The following NUMA1 variants were observed in gnomAD, a reference collection of about 807,000 sequenced individuals.
NUMA1 encodes the protein nuclear mitotic apparatus protein 1.
A neutral mutation model predicts 237.1 loss-of-function variants in NUMA1; 62 were observed. The ratio of observed to expected loss-of-function variants is 0.26; its 90% CI spans 0.21 to 0.32. The LOEUF (loss-of-function observed/expected upper bound fraction) is 0.32, where lower values mean the gene tolerates loss of function less well. Ranked by LOEUF, NUMA1 falls within the 10% of genes least tolerant of loss-of-function variation. The pLI is 1.00. For missense variants in NUMA1, 2,533 were observed against 2,666.5 expected, an observed-to-expected ratio of 0.95 and a Z score of 1.10; for synonymous variants, 1,028 against 1,066.1, an observed-to-expected ratio of 0.96 and a Z score of 0.70.
chr11:72,056,662 G>GAAAAAAAAAAAAAAAAAAA (rs1942671179), intron 2 of NUMA1, among the ~76,000 whole-genome samples: 1 of 51,028 alleles, frequency 2.0e-5, no homozygotes, highest in Non-Finnish European at 4.5e-5. Context: ...AAAAAAAAAG[G>GAAAAAAAAAAAAAAAAAAA]CAAGCCAAAC....
At chr11:72,027,633 G>A (rs959308004) in intron 4 of NUMA1, among the ~76,000 whole-genome samples, 2 of 152,136 alleles carry the variant, frequency 1.3e-5, no homozygotes, top group African/African-American at 4.8e-5. Context: ...ACCCCCTGAT[G>A]AAAGATCTTA....
chr11:72,043,896 C>G (rs1158284500), intron 2 of NUMA1, among the ~76,000 whole-genome samples: 1 of 152,112 alleles, frequency 6.6e-6, no homozygotes, highest in African/African-American at 2.4e-5. Flanking sequence ...CCACTGCACT[C>G]CAGCCTGGGT....
intron 2 of NUMA1, among the ~76,000 whole-genome samples, chr11:72,056,361 G>T (rs1208188823): frequency 2.2e-5 from 3 of 138,684 alleles, no homozygotes; most frequent in Non-Finnish European, 3.1e-5. Flanking sequence ...TACTCTTGTT[G>T]CCCAGGCTAG....
intron 20 of NUMA1, chr11:72,008,388 T>C (rs978715463): frequency 2.3e-6 from 1 of 440,760 alleles, no homozygotes; most frequent in Admixed American, 3.5e-5. Context: ...TGGCCTCACA[T>C]CTCAGCTTAG....
Position 72,075,034 on chromosome 11 carries a change from A to AAAATAAAT in NUMA1, c.-102-5131_-102-5124dup, listed in dbSNP as rs35313309. On this transcript the variant is annotated intron_variant, in intron 1 of 26. Transcript: ENST00000393695. ...GGGCGACAGAGTGAGACTCCATCTC[A>AAAATAAAT]AAATAAATAAATAAATAAATAAATA... Among the ~76,000 whole-genome samples the AAAATAAAT allele has an allele frequency of 5.0e-3, 744 of 148,448 alleles. 4 individuals are homozygous for AAAATAAAT. The highest frequency in any genetic ancestry group is 0.014 in the Middle Eastern group (4 of 288).
chr11:72,025,412 CAA>C (rs1310039043), intron 4 of NUMA1, among the ~76,000 whole-genome samples: 2 of 140,114 alleles, frequency 1.4e-5, no homozygotes, highest in Admixed American at 7.1e-5. Context: ...ATTCTGTCTC[CAA>C]AAAAAAAAAA....
intron 1 of NUMA1, among the ~76,000 whole-genome samples, chr11:72,077,586 G>A (rs1464378510): frequency 2.0e-5 from 3 of 152,012 alleles, no homozygotes; most frequent in African/African-American, 7.2e-5. Flanking sequence ...AGGCCGAGGC[G>A]GGAGGATCAC....
Position 72,013,016 on chromosome 11 carries a change from C to T in NUMA1, c.4487G>A (p.Arg1496Gln), listed in dbSNP as rs780358718. The part of the protein sequence containing the change: ...DAETRLAEVQ[R>Q]EAQSTARELE... ...CTCCCGGGCAGTGCTCTGTGCTTCTCGCTGCACCTCAGCCAGACGGGTCTC... is the reference window on the plus strand; with the variant it reads ...CTCCCGGGCAGTGCTCTGTGCTTCTTGCTGCACCTCAGCCAGACGGGTCTC... Residue 1496 changes from arginine (R) to glutamine (Q), a missense_variant, in exon 15 of 27, where the codon CGA becomes CAA. Transcript: ENST00000393695. The surrounding 1 kb of genome is among the most constrained non-coding windows in gnomAD (Gnocchi z 6.8). 2.0e-5 allele frequency: 33 copies of T among 1,614,072 alleles called. No homozygotes were observed. Among genetic ancestry groups the T allele is most frequent in the Non-Finnish European group, 2.5e-5 (30 of 1,180,052 alleles).
rs770308091 is a variant in NUMA1, at chr11:72,014,508, GCTC to G, written c.2992_2994del (p.Glu998del). On this transcript the variant is annotated inframe_deletion, in exon 15 of 27. Coordinates refer to ENST00000393695, the MANE Select transcript of NUMA1 (RefSeq NM_006185.4). The surrounding 1 kb of genome is among the most constrained non-coding windows in gnomAD (Gnocchi z 4.6). ...GCCACCTCCCTTTCCTGCTGCCCAC[GCTC>G]CTCCTGCTGCTGCCCCTGGCTCTCC... The G allele has an allele frequency of 3.7e-6, 6 of 1,601,574 alleles. No homozygotes were observed. Among genetic ancestry groups the G allele is most frequent in the South Asian group, 1.1e-5 (1 of 91,076 alleles).
chr11:72,004,549 G>A lies in NUMA1; in HGVS notation c.6006+91C>T. 4.4e-6 allele frequency: 6 copies of A among 1,358,056 alleles called. No homozygotes were observed. The South Asian group carries it at 5.2e-5, about 12-fold the overall frequency. 84.1% of individuals were successfully genotyped at this position (1,358,056 alleles called of 1,614,324 possible). ...GAGGGAAAGAGAGGGGGAAGTGAGGGAAGGAGAGAGAAGGCTCCCTTTAGT... is the reference window on the plus strand; with the variant it reads ...GAGGGAAAGAGAGGGGGAAGTGAGGAAAGGAGAGAGAAGGCTCCCTTTAGT... On this transcript the variant is annotated intron_variant, in intron 24 of 26. Transcript: ENST00000393695.
chr11:72,043,357 CTTTTTT>C (rs35559801), intron 2 of NUMA1, among the ~76,000 whole-genome samples: 4 of 105,654 alleles, frequency 3.8e-5, no homozygotes, highest in African/African-American at 7.1e-5. Context: ...AGGCGGAGTT[CTTTTTT>C]TTTTTTTTTT....
At chr11:72,016,357 A>C (rs779199076) in intron 14 of NUMA1, 51 bp downstream of exon 14, 2 of 1,605,100 alleles carry the variant, frequency 1.2e-6, no homozygotes, top group Non-Finnish European at 1.7e-6. Flanking sequence ...AATGTACTGA[A>C]TGTGAGTCCA....
chr11:72,017,525 G>T, intron 13 of NUMA1, 162 bp downstream of exon 13: 1 of 806,092 alleles, frequency 1.2e-6, no homozygotes, highest in Non-Finnish European at 2.1e-6. Context: ...AAAAAAAAAG[G>T]TGTACTAGAC....
chr11:72,023,135 T>G lies in NUMA1; in HGVS notation c.221A>C (p.His74Pro), dbSNP rs140051813. 5.0e-4 allele frequency: 813 copies of G among 1,613,328 alleles called. 1 individual carries two copies. Among genetic ancestry groups the G allele is most frequent in the Non-Finnish European group, 6.4e-4 (757 of 1,179,600 alleles). ...TACCAGGCATTCTGGGGAAGAGGGA[T>G]GTTTTCGATTTTCTGCAATGACAAC... ...VCSFLQKNRK[H>P]PSSPECLVSA... Residue 74 changes from histidine (H) to proline (P), a missense_variant, in exon 6 of 27, where the codon CAT becomes CCT. Coordinates refer to ENST00000393695, the MANE Select transcript of NUMA1 (RefSeq NM_006185.4).
At position 72,019,519 on chromosome 11, in the gene NUMA1, C is replaced by T; in HGVS notation, c.559G>A (p.Val187Ile). The stretch of plus-strand genomic sequence containing the variant: ...TTGTTCCCACTGGAAGAGGAGGCAA[C>T]CTTCTGTAGCTCTAGGAAGCGAATC... ...REIRFLELQK[V>I]ASSSSGNNFL... The change falls in exon 9 of 27, where the codon GTT (valine) becomes ATT (isoleucine). Residue 187 changes from valine to isoleucine, a missense_variant. Val to Ile is a conservative substitution (Grantham distance 29). Transcript: ENST00000393695. 1.2e-6 allele frequency: 2 copies of T among 1,613,724 alleles called. No individual in the cohort carries two copies. Among genetic ancestry groups the T allele is most frequent in the Non-Finnish European group, 1.7e-6 (2 of 1,179,760 alleles).
In NUMA1 at chr11:72,013,433, AC is replaced by A. The variant is rs1370469508; in HGVS notation, c.4069del (p.Val1357Ter). On this transcript the variant is annotated frameshift_variant, in exon 15 of 27. Transcript: ENST00000393695. LOFTEE classifies it high-confidence loss of function. The surrounding 1 kb of genome is among the most constrained non-coding windows in gnomAD (Gnocchi z 6.8). ...QLEHTSTQAL[V>X]SELLPAKHLC... Reference sequence around the variant, plus strand: ...GTGCTTAGCTGGCAGCAGCTCACTCACCAGGGCCTGTGTGCTGGTGTGCTCG... The same window carrying A: ...GTGCTTAGCTGGCAGCAGCTCACTCACAGGGCCTGTGTGCTGGTGTGCTCG... 2 of 1,612,928 alleles carry A rather than the reference AC, an allele frequency of 1.2e-6. No homozygotes were observed. The highest frequency in any genetic ancestry group is 3.3e-5 in the Admixed American group (2 of 60,006).
intron 7 of NUMA1, 59 bp from the exon 8 acceptor site, chr11:72,021,350 GC>G: frequency 2.0e-6 from 3 of 1,478,204 alleles, no homozygotes; most frequent in Non-Finnish European, 2.8e-6. Flanking sequence ...AGGGATGGCT[GC>G]CAGGAGCTCC....
rs1032495204 is a variant in NUMA1 at position 72,015,466 on chromosome 11, C to G, written c.2037G>C (p.Gln679His). The change falls in exon 15 of 27, where the codon CAG becomes CAC. Residue 679 changes from glutamine to histidine, a missense_variant. By Grantham distance (24) the Gln-to-His change is conservative (BLOSUM62 0). Coordinates refer to ENST00000393695, the MANE Select transcript of NUMA1 (RefSeq NM_006185.4). This position sits in a 1 kb window ranked among gnomAD's most constrained non-coding sequence, Gnocchi z 4.0. ...AQAQVAELELQLRSEQQKATE... is the reference protein window; with the variant it reads ...AQAQVAELELHLRSEQQKATE... ...TTGCTTTTTGCTGCTCAGACCGCAG[C>G]TGCAACTCTAGCTCTGCAACCTGGG... is the stretch of plus-strand genomic sequence containing the variant. 1 of 1,612,384 alleles carries G rather than the reference C, an allele frequency of 6.2e-7. No individual in the cohort carries two copies. The highest frequency in any genetic ancestry group is 8.5e-7 in the Non-Finnish European group (1 of 1,180,036).
At chr11:72,058,134 T>C (rs1255390768) in intron 2 of NUMA1, among the ~76,000 whole-genome samples, 1 of 152,206 alleles carries the variant, frequency 6.6e-6, no homozygotes, top group East Asian at 1.9e-4. Flanking sequence ...CATTTCTTGC[T>C]TATACAAGTT....
Sources: allele counts gnomAD v4.1 joint callset (sites outside exome capture counted in the v4.1 genomes callset), GRCh38; gene constraint gnomAD v4.1.1; non-coding constraint Gnocchi (gnomAD v3.1); transcripts MANE v1.5; gene names NCBI Gene and HGNC (gene_info 2026-07-23, HGNC 2026-07-21).